GPM6A: variants seen among roughly 807,000 people sequenced by gnomAD.
GPM6A encodes the protein neuronal membrane glycoprotein M6-a.
In GPM6A, 7 loss-of-function variants were observed where a neutral mutation model predicts 32.1. That is an observed-to-expected ratio of 0.22 (90% CI 0.12 to 0.41). The LOEUF is 0.41. Among genes scored for constraint, GPM6A ranks in the 10% least tolerant of loss-of-function variants. The pLI is 1.00. For synonymous variants in GPM6A, 130 were observed against 123.4 expected (o/e 1.05, Z -0.35); for missense variants, 235 against 347.2 (o/e 0.68, Z 2.57).
chr4:175,930,040 A>T (rs896746021), intron 1 of GPM6A, among the ~76,000 whole-genome samples: 3 of 152,138 alleles, frequency 2.0e-5, no homozygotes, highest in African/African-American at 7.2e-5. Context: ...AAAAATCGTT[A>T]ATCTTAACTT....
rs114668094 is a variant in GPM6A, at chr4:175,963,162, G to A, written c.-23+39147C>T. The stretch of plus-strand genomic sequence containing the variant: ...GAATGAAATAGAGTATCAAAGAAAC[G>A]TGGGACAATTACAAAAGTTGTAACA... On this transcript the variant is annotated intron_variant, in intron 1 of 7. Coordinates refer to the GPM6A transcript ENST00000280187. Among the ~76,000 whole-genome samples, 283 of 151,786 alleles carry A rather than the reference G, an allele frequency of 1.9e-3. 2 individuals are homozygous for A. Among genetic ancestry groups the A allele is most frequent in the Non-Finnish European group, 2.6e-3 (177 of 67,932 alleles).
At chr4:175,689,305 C>T (rs1355084569) in intron 2 of GPM6A, among the ~76,000 whole-genome samples, 1 of 152,164 alleles carries the variant, frequency 6.6e-6, no homozygotes, top group Admixed American at 6.5e-5. Context: ...TTCATAAGAA[C>T]ATTTTAACAA....
chr4:175,822,719 G>T (rs1207275504), intron 1 of GPM6A, among the ~76,000 whole-genome samples: 2 of 150,274 alleles, frequency 1.3e-5, no homozygotes, highest in African/African-American at 4.9e-5. Flanking sequence ...CTGCAGGTTT[G>T]TTACATAGGT....
chr4:175,958,273 C>T (rs1473479888), intron 1 of GPM6A, among the ~76,000 whole-genome samples: 1 of 152,210 alleles, frequency 6.6e-6, no homozygotes, highest in Non-Finnish European at 1.5e-5. Flanking sequence ...ATATAAAATA[C>T]TTGAATGGCA....
At chr4:175,812,285 G>T (rs2111332188), upstream of GPM6A, 23 of 933,066 alleles carry the variant, frequency 2.5e-5, no homozygotes, top group East Asian at 3.3e-4. Context: ...TCAATTAGAT[G>T]TTGGAAAAAC....
intron 1 of GPM6A, among the ~76,000 whole-genome samples, chr4:175,934,927 A>C (rs1348764401): frequency 6.6e-6 from 1 of 152,166 alleles, no homozygotes; most frequent in Non-Finnish European, 1.5e-5. Context: ...ATAATGATAA[A>C]ATTAAATTGT....
intron 1 of GPM6A, among the ~76,000 whole-genome samples, chr4:175,703,629 T>A (rs1289008971): frequency 1.3e-5 from 2 of 152,316 alleles, no homozygotes; most frequent in Non-Finnish European, 2.9e-5. Context: ...AAAATGATGG[T>A]AAATATTCAA....
chr4:175,727,892 T>A (rs373045260), intron 1 of GPM6A, among the ~76,000 whole-genome samples: 1 of 151,666 alleles, frequency 6.6e-6, no homozygotes, highest in Non-Finnish European at 1.5e-5. Context: ...TAGTCCCAGA[T>A]GCTTGGGAGG....
In GPM6A at chr4:175,960,391, A is replaced by G. The variant is rs12645799; in HGVS notation, c.-23+41918T>C. 1.8e-4 allele frequency among the ~76,000 whole-genome samples: 28 copies of G among 152,308 alleles called. No homozygotes were observed. The East Asian group carries it at 5.4e-3, about 29-fold the overall frequency. ...ATAGGATAATCCCCTGATGAAGTAA[A>G]TAAGAACAAGATGGGCTAAATCTGT... On this transcript the variant is annotated intron_variant, in intron 1 of 7. Transcript: ENST00000280187.
chr4:175,907,755 A>T (rs1240150319), intron 1 of GPM6A, among the ~76,000 whole-genome samples: 1 of 152,146 alleles, frequency 6.6e-6, no homozygotes, highest in Non-Finnish European at 1.5e-5. Context: ...ATCACACTTT[A>T]TATCCAATCT....
intron 1 of GPM6A, among the ~76,000 whole-genome samples, chr4:175,952,516 G>A (rs912735496): frequency 6.6e-6 from 1 of 152,180 alleles, no homozygotes; most frequent in African/African-American, 2.4e-5. Context: ...CCTTCTTAGG[G>A]TAAGGATTGT....
chr4:175,799,617 T>G (rs1734380901), intron 1 of GPM6A, among the ~76,000 whole-genome samples: 6 of 151,662 alleles, frequency 4.0e-5, no homozygotes, highest in African/African-American at 1.5e-4. Flanking sequence ...GACTGAGGTA[T>G]AACAGACAAC....
intron 1 of GPM6A, chr4:175,808,527 T>A (rs1261005100): frequency 1.3e-5 from 2 of 152,186 alleles, no homozygotes; most frequent in Non-Finnish European, 2.9e-5. Flanking sequence ...GAGCTAAGGA[T>A]GAACAATGAC....
intron 1 of GPM6A, chr4:175,795,837 TC>T (rs1193514532): frequency 1.3e-5 from 2 of 152,260 alleles, no homozygotes; most frequent in Non-Finnish European, 2.9e-5. Context: ...CTACCTTAGA[TC>T]CTTTGCTCTG....
At chr4:175,887,378 G>A (rs1560980324) in intron 1 of GPM6A, among the ~76,000 whole-genome samples, 1 of 151,820 alleles carries the variant, frequency 6.6e-6, no homozygotes. Context: ...GAACTTCAGT[G>A]AAAAAAATTA....
Position 175,854,728 on chromosome 4 carries a change from G to A in GPM6A, c.-22-42479C>T, listed in dbSNP as rs548267258. ...ATACGGAGAGACCTAGACAGCAGCA[G>A]TTAAAAGAACAGAGTAGCCGAGGGA... On this transcript the variant is annotated intron_variant, in intron 1 of 7. Transcript: ENST00000280187. 5.3e-5 allele frequency among the ~76,000 whole-genome samples: 8 copies of A among 152,346 alleles called. No individual in the cohort carries two copies. In the East Asian group the frequency reaches 1.5e-3, roughly 29 times the overall value.
rs551840094 is a variant in GPM6A at position 175,787,628 on chromosome 4, A to C, written c.37+24563T>G. 8 of 1,300,154 alleles carry C rather than the reference A, an allele frequency of 6.2e-6. No individual in the cohort carries two copies. In the African/African-American group the frequency reaches 1.1e-4, roughly 17 times the overall value. The allele number at this position is 1,300,154 out of a possible 1,614,324, so 80.5% of individuals were successfully genotyped here. Reference sequence around the variant, plus strand: ...CCCCAAATCACAACCCATGTATCTAATTGCTTTACTGACATAACTCTTCCT... The same window carrying C: ...CCCCAAATCACAACCCATGTATCTACTTGCTTTACTGACATAACTCTTCCT... On this transcript the variant is annotated intron_variant, in intron 1 of 6. Coordinates refer to ENST00000393658, the MANE Select transcript of GPM6A (RefSeq NM_201591.3).
At chr4:175,868,713 G>A (rs1265622257) in intron 1 of GPM6A, among the ~76,000 whole-genome samples, 1 of 152,114 alleles carries the variant, frequency 6.6e-6, no homozygotes, top group African/African-American at 2.4e-5. Flanking sequence ...CAAATATACT[G>A]TGACTTATTT....
chr4:175,656,914 T>C (rs1742116732), intron 3 of GPM6A, among the ~76,000 whole-genome samples: 1 of 152,172 alleles, frequency 6.6e-6, no homozygotes, highest in Admixed American at 6.5e-5. Context: ...AATGGAATGT[T>C]ATGATATAAT....
Sources: gnomAD v4.1 joint callset for allele counts (sites outside exome capture counted in the v4.1 genomes callset) on GRCh38, gnomAD v4.1.1 for gene constraint, MANE v1.5 for transcripts, NCBI Gene and HGNC (gene_info 2026-07-23, HGNC 2026-07-21) for gene names.